Variants in RAB38 observed in about 807,000 individuals in gnomAD.
RAB38 encodes ras-related protein Rab-38.
Under a neutral mutation model 18.4 loss-of-function variants are expected in RAB38, and 15 were observed. The ratio of observed to expected loss-of-function variants is 0.82; its 90% CI spans 0.55 to 1.26. The LOEUF is 1.26. Ranked by LOEUF, RAB38 falls within the 50% of genes most tolerant of loss-of-function variation. RAB38 has a pLI of 0.00. For missense variants in RAB38, 294 were observed against 267.4 expected (o/e 1.10, Z -0.69); for synonymous variants, 101 against 104.4 (o/e 0.97, Z 0.20).
At chr11:88,068,158 G>A in the RAB38 span, among the ~76,000 whole-genome samples, 2 of 152,022 alleles carry the variant, frequency 1.3e-5, no homozygotes, top group African/African-American at 4.8e-5. Flanking sequence ...AAGGACTAAA[G>A]TTGAAAAACA....
the RAB38 span, among the ~76,000 whole-genome samples, chr11:87,885,873 A>T: frequency 6.6e-6 from 1 of 151,992 alleles, no homozygotes; most frequent in Non-Finnish European, 1.5e-5. Flanking sequence ...TGGGGGCAAA[A>T]ATTACACTAA....
the RAB38 span, among the ~76,000 whole-genome samples, chr11:87,943,883 T>C: frequency 1.8e-4 from 28 of 152,268 alleles, no homozygotes; most frequent in African/African-American, 6.7e-4. Context: ...TATGCAAAAA[T>C]GTAACTTACT....
At chr11:87,886,344 T>C in the RAB38 span, among the ~76,000 whole-genome samples, 1 of 151,832 alleles carries the variant, frequency 6.6e-6, no homozygotes, top group Non-Finnish European at 1.5e-5. Context: ...TGCATGCACA[T>C]GTGCAGGAGA....
At chr11:88,141,553 A>T (rs1250829348) in intron 2 of RAB38, among the ~76,000 whole-genome samples, 1 of 152,200 alleles carries the variant, frequency 6.6e-6, no homozygotes, top group Non-Finnish European at 1.5e-5. Flanking sequence ...TTTTAATAAA[A>T]ATCAAATATG....
rs190168170 is a variant in RAB38, at chr11:88,123,002, C to T, written c.484-8862G>A. On this transcript the variant is annotated intron_variant, in intron 2 of 2. Transcript: ENST00000243662. ...TCCTTAACTTAAAAATGAGGCCAAT[C>T]GTCACTATATTTCATGAGATTCTTG... 2.7e-3 allele frequency among the ~76,000 whole-genome samples: 407 copies of T among 152,244 alleles called. 2 individuals carry two copies. Among genetic ancestry groups the T allele is most frequent in the African/African-American group, 9.1e-3 (380 of 41,550 alleles).
chr11:88,138,920 C>T (rs1399849083), intron 2 of RAB38, among the ~76,000 whole-genome samples: 1 of 151,868 alleles, frequency 6.6e-6, no homozygotes, highest in Non-Finnish European at 1.5e-5. Flanking sequence ...GTAGCTGGGA[C>T]TACAGGCGCC....
At chr11:87,923,563 GTGTGTGTGTGTGCA>G in the RAB38 span, among the ~76,000 whole-genome samples, 2 of 151,134 alleles carry the variant, frequency 1.3e-5, no homozygotes, top group African/African-American at 4.9e-5. Context: ...GTGTGTGTGT[GTGTGTGTGTGTGCA>G]TGTGTGTGTG....
the RAB38 span, among the ~76,000 whole-genome samples, chr11:87,814,862 T>C: frequency 1.2e-4 from 18 of 151,954 alleles, no homozygotes; most frequent in African/African-American, 3.9e-4. Flanking sequence ...GCCTCCCGAG[T>C]AGCTGGGACT....
At chr11:88,046,266 A>T in the RAB38 span, among the ~76,000 whole-genome samples, 17 of 152,120 alleles carry the variant, frequency 1.1e-4, no homozygotes, top group East Asian at 3.3e-3. Flanking sequence ...CTCTCCTTAC[A>T]ATTCCCCCAT....
the RAB38 span, among the ~76,000 whole-genome samples, chr11:88,068,873 G>C: frequency 6.6e-6 from 1 of 152,170 alleles, no homozygotes; most frequent in Non-Finnish European, 1.5e-5. Flanking sequence ...CCTGGGTATG[G>C]TACTGAGAGG....
At chr11:87,976,475 G>A in the RAB38 span, among the ~76,000 whole-genome samples, 1 of 121,184 alleles carries the variant, frequency 8.3e-6, no homozygotes, top group Non-Finnish European at 1.6e-5. Context: ...TTTACATATA[G>A]TTATATATTT....
chr11:87,900,102 T>C, the RAB38 span, among the ~76,000 whole-genome samples: 1 of 151,640 alleles, frequency 6.6e-6, no homozygotes, highest in Non-Finnish European at 1.5e-5. Context: ...TTACATCCTA[T>C]GCAGAAAGAT....
chr11:88,136,313 A>T (rs1942834022), intron 2 of RAB38, among the ~76,000 whole-genome samples: 1 of 152,188 alleles, frequency 6.6e-6, no homozygotes, highest in African/African-American at 2.4e-5. Context: ...TGGAGATGAA[A>T]CAGAAGGCCT....
chr11:87,843,176 ATGTC>A, the RAB38 span, among the ~76,000 whole-genome samples: 1 of 152,210 alleles, frequency 6.6e-6, no homozygotes, highest in African/African-American at 2.4e-5. Context: ...GCATCCGCTT[ATGTC>A]TACCTCTCTG....
At chr11:87,918,556 C>T in the RAB38 span, among the ~76,000 whole-genome samples, 1 of 152,168 alleles carries the variant, frequency 6.6e-6, no homozygotes, top group Non-Finnish European at 1.5e-5. Context: ...TCATTTGTCA[C>T]ATAAGACCAA....
At chr11:87,932,573 G>GA in the RAB38 span, among the ~76,000 whole-genome samples, 1 of 152,036 alleles carries the variant, frequency 6.6e-6, no homozygotes. Context: ...TTTTTGCCCA[G>GA]AAAAATAAGA....
chr11:87,805,080 A>G, the RAB38 span, among the ~76,000 whole-genome samples: 3 of 152,202 alleles, frequency 2.0e-5, no homozygotes, highest in African/African-American at 4.8e-5. Flanking sequence ...TAAGCAATAT[A>G]TGCCCTCCCT....
chr11:87,813,442 T>C, the RAB38 span, among the ~76,000 whole-genome samples: 2 of 151,936 alleles, frequency 1.3e-5, no homozygotes, highest in Non-Finnish European at 2.9e-5. Flanking sequence ...TAAAAAGCCC[T>C]AGTTCATCTT....
the RAB38 span, among the ~76,000 whole-genome samples, chr11:87,937,485 C>T: frequency 6.6e-6 from 1 of 151,278 alleles, no homozygotes; most frequent in Non-Finnish European, 1.5e-5. Flanking sequence ...GTATTTCATC[C>T]TCTTCTATTT....
Sources: allele counts gnomAD v4.1 joint callset (sites outside exome capture counted in the v4.1 genomes callset), GRCh38; gene constraint gnomAD v4.1.1; transcripts MANE v1.5; gene names NCBI Gene and HGNC (gene_info 2026-07-23, HGNC 2026-07-21).